Variants in ADORA1 observed in about 807,000 individuals in gnomAD.
ADORA1 encodes adenosine receptor A1.
In ADORA1, 6 loss-of-function variants were observed where a neutral mutation model predicts 19.9. The ratio of observed to expected loss-of-function variants is 0.30; its 90% confidence interval spans 0.17 to 0.59. The LOEUF (loss-of-function observed/expected upper bound fraction) is 0.59. Ranked by LOEUF, ADORA1 falls within the 20% of genes least tolerant of loss-of-function variation. The probability of loss-of-function intolerance (pLI) is 0.87; values close to 1 mark genes in which losing one functional copy is unlikely to be tolerated. For missense variants in ADORA1, 302 were observed against 439.2 expected (o/e 0.69, Z 2.79); for synonymous variants, 194 against 188.4 (o/e 1.03, Z -0.24).
intron 3 of ADORA1, 34 bp downstream of exon 3, chr1:203,129,216 C>T (rs201920408): frequency 6.4e-7 from 1 of 1,572,476 alleles, no homozygotes; most frequent in East Asian, 2.2e-5. Context: ...CTCGCAGCAC[C>T]ACATGATGGC....
chr1:203,144,138 T>C (rs1386686252), intron 3 of ADORA1, among the ~76,000 whole-genome samples: 1 of 149,018 alleles, frequency 6.7e-6, no homozygotes, highest in Non-Finnish European at 1.5e-5. Context: ...TCCTTTCTCT[T>C]GTCTAATTTC....
chr1:203,156,236 G>C (rs951946174), intron 3 of ADORA1, among the ~76,000 whole-genome samples: 24 of 152,150 alleles, frequency 1.6e-4, no homozygotes, highest in African/African-American at 5.1e-4. Flanking sequence ...GGGGAAGAGA[G>C]GGTGTGAGAG....
At chr1:203,150,308 A>G (rs1654991525) in intron 3 of ADORA1, among the ~76,000 whole-genome samples, 1 of 152,246 alleles carries the variant, frequency 6.6e-6, no homozygotes, top group African/African-American at 2.4e-5. Context: ...GAGCACATGC[A>G]GTGGAGCAGG....
chr1:203,129,801 CA>C (rs1558125490), intron 3 of ADORA1: 1 of 152,646 alleles, frequency 6.6e-6, no homozygotes, highest in East Asian at 1.9e-4. Context: ...CTGTTACAGA[CA>C]GGAGGAAGGA....
At chr1:203,149,085 C>T (rs1571798888) in intron 3 of ADORA1, among the ~76,000 whole-genome samples, 1 of 152,032 alleles carries the variant, frequency 6.6e-6, no homozygotes, top group Non-Finnish European at 1.5e-5. Flanking sequence ...ACCATGTTAC[C>T]CAGGCTGGTC....
At chr1:203,143,840 A>G (rs1405091897) in intron 3 of ADORA1, among the ~76,000 whole-genome samples, 3 of 152,220 alleles carry the variant, frequency 2.0e-5, no homozygotes, top group African/African-American at 7.2e-5. Flanking sequence ...GCATAGATCC[A>G]CAGTCAGTGT....
At chr1:203,149,122 CCCT>C (rs1457066770) in intron 3 of ADORA1, among the ~76,000 whole-genome samples, 2 of 152,146 alleles carry the variant, frequency 1.3e-5, no homozygotes, top group Non-Finnish European at 2.9e-5. Context: ...AGGTGGTCCA[CCCT>C]CCTCAGCCTC....
chr1:203,128,777 C>A lies in ADORA1; in HGVS notation c.-57-8C>A. On this transcript the variant is annotated splice_region_variant and splice_polypyrimidine_tract_variant and intron_variant, in intron 2 of 3. Transcript: ENST00000337894. This position sits in a 1 kb window ranked among gnomAD's most constrained non-coding sequence, Gnocchi z 5.9. ...GTCTCCCCATCCCAGGCTTCCCTGA[C>A]CACACAGGTGCTTGCCTCGTGCCCC... The A allele has an allele frequency of 6.5e-7, 1 of 1,535,170 alleles. No homozygotes were observed. The highest frequency in any genetic ancestry group is 8.7e-7 in the Non-Finnish European group (1 of 1,146,030).
chr1:203,164,365 G>A (rs11587584), intron 3 of ADORA1, among the ~76,000 whole-genome samples: 7,145 of 152,314 alleles, frequency 0.047, 239 homozygotes, highest in South Asian at 0.1. Flanking sequence ...CTCAGCACAG[G>A]GAGCAATGCC....
At chr1:203,135,586 A>C (rs1654479507) in intron 3 of ADORA1, among the ~76,000 whole-genome samples, 1 of 151,826 alleles carries the variant, frequency 6.6e-6, no homozygotes, top group Admixed American at 6.6e-5. Flanking sequence ...TGAATCCAAG[A>C]GGCAGATGTT....
intron 3 of ADORA1, among the ~76,000 whole-genome samples, chr1:203,131,320 T>A (rs1278846594): frequency 3.9e-5 from 6 of 152,188 alleles, no homozygotes; most frequent in Non-Finnish European, 8.8e-5. Context: ...TACTGTGAAG[T>A]TATATCTATA....
chr1:203,137,854 T>C (rs1019272655), intron 3 of ADORA1, among the ~76,000 whole-genome samples: 5 of 152,310 alleles, frequency 3.3e-5, no homozygotes, highest in Admixed American at 2.6e-4. Flanking sequence ...TCTTTATCCT[T>C]ATAGATTGAT....
chr1:203,155,055 A>ATTG (rs1195670737), intron 3 of ADORA1, among the ~76,000 whole-genome samples: 35 of 141,670 alleles, frequency 2.5e-4, no homozygotes, highest in African/African-American at 6.8e-4. Context: ...TATTATTATT[A>ATTG]TTGTTATTTT....
intron 3 of ADORA1, among the ~76,000 whole-genome samples, chr1:203,157,225 C>T (rs1655224746): frequency 6.6e-6 from 1 of 152,186 alleles, no homozygotes; most frequent in Non-Finnish European, 1.5e-5. Context: ...TGGTTGTGAG[C>T]CTATGAAATC....
intron 3 of ADORA1, among the ~76,000 whole-genome samples, chr1:203,133,832 A>G (rs1483538265): frequency 6.6e-6 from 1 of 152,222 alleles, no homozygotes; most frequent in African/African-American, 2.4e-5. Flanking sequence ...GAGTGGGGAA[A>G]GAAATCTGGT....
intron 3 of ADORA1, among the ~76,000 whole-genome samples, chr1:203,153,578 G>A (rs965190278): frequency 1.3e-5 from 2 of 152,142 alleles, no homozygotes; most frequent in African/African-American, 4.8e-5. Context: ...GCCCTGGGGT[G>A]TCAGCCCGAG....
intron 3 of ADORA1, among the ~76,000 whole-genome samples, chr1:203,138,980 G>A (rs1310490014): frequency 1.3e-5 from 2 of 152,000 alleles, no homozygotes; most frequent in African/African-American, 2.4e-5. Context: ...CACCATGCCC[G>A]GCTAATATTT....
intron 3 of ADORA1, among the ~76,000 whole-genome samples, chr1:203,151,660 T>C (rs936274841): frequency 2.0e-5 from 3 of 152,100 alleles, no homozygotes; most frequent in Admixed American, 6.5e-5. Flanking sequence ...GCCAACCTTC[T>C]CCTCCCATTG....
Position 203,165,608 on chromosome 1 carries a change from T to A in ADORA1, c.689T>A (p.Leu230Gln). ...CCGCAGAAGTACTATGGGAAGGAGC[T>A]GAAGATCGCCAAGTCGCTGGCCCTC... is the stretch of plus-strand genomic sequence containing the variant. ...GDPQKYYGKE[L>Q]KIAKSLALIL... is the part of the protein sequence containing the mutation. Residue 230 changes from leucine to glutamine, a missense_variant, in exon 4 of 4, where the codon CTG becomes CAG. Transcript: ENST00000337894. This position sits in a 1 kb window ranked among gnomAD's most constrained non-coding sequence, Gnocchi z 5.9. 1.2e-6 allele frequency: 2 copies of A among 1,613,570 alleles called. No individual in the cohort carries two copies. The highest frequency in any genetic ancestry group is 1.7e-6 in the Non-Finnish European group (2 of 1,179,578).
Sources: gnomAD v4.1 joint callset for allele counts (sites outside exome capture counted in the v4.1 genomes callset) on GRCh38, gnomAD v4.1.1 for gene constraint, Gnocchi (gnomAD v3.1) non-coding constraint, MANE v1.5 for transcripts, NCBI Gene and HGNC (gene_info 2026-07-23, HGNC 2026-07-21) for gene names.